The following CSPG5 variants were observed in gnomAD, a reference collection of about 807,000 sequenced individuals.
CSPG5 encodes the protein acidic leucine-rich EGF-like domain-containing brain protein.
A neutral mutation model predicts 39.8 loss-of-function variants in CSPG5; 25 were observed. That is an observed-to-expected ratio of 0.63 (90% CI 0.46 to 0.88). CSPG5 has a LOEUF of 0.88. Among genes scored for constraint, CSPG5 ranks in the 40% least tolerant of loss-of-function variants. The pLI is 0.00. For synonymous variants in CSPG5, 295 were observed against 303.9 expected, an observed-to-expected ratio of 0.97 and a Z score of 0.31; for missense variants, 627 against 702.2, an observed-to-expected ratio of 0.89 and a Z score of 1.21.
chr3:47,563,588 T>A (rs186595554), intron 4 of CSPG5, among the ~76,000 whole-genome samples: 2 of 152,338 alleles, frequency 1.3e-5, no homozygotes, highest in East Asian at 3.9e-4. Flanking sequence ...GGAGTCTTGC[T>A]CTGTCGCCCA....
Position 47,578,061 on chromosome 3 carries a change from C to A in CSPG5, c.98-133G>T. ...ACCTCGCCACCCTCAGACCCCACCG[C>A]CCCAGTGTGACCCCAGCCACCCGGT... On this transcript the variant is annotated intron_variant, in intron 1 of 4. Transcript: ENST00000264723. This position sits in a 1 kb window ranked among gnomAD's most constrained non-coding sequence, Gnocchi z 6.0. 5.5e-6 allele frequency: 7 copies of A among 1,270,124 alleles called. No individual in the cohort carries two copies. The highest frequency in any genetic ancestry group is 7.0e-6 in the Non-Finnish European group (7 of 1,002,592). The allele number at this position is 1,270,124 out of a possible 1,614,324, so 78.7% of individuals were successfully genotyped here.
intron 2 of CSPG5, among the ~76,000 whole-genome samples, chr3:47,574,721 T>C (rs1007067984): frequency 1.3e-5 from 2 of 151,744 alleles, no homozygotes; most frequent in Middle Eastern, 3.4e-3. Flanking sequence ...GGGCAGATCA[T>C]GAGGTCAGGA....
At position 47,572,224 on chromosome 3, in the gene CSPG5, G is replaced by A. The variant is rs1401328473; in HGVS notation, c.1382+462C>T. 3.3e-5 allele frequency among the ~76,000 whole-genome samples: 5 copies of A among 152,220 alleles called. No individual in the cohort carries two copies. In the East Asian group the frequency reaches 9.6e-4, roughly 29 times the overall value. ...CTTTCTCCTCAGTGTTCACCGAGGAGGAGCTGATTTTGGGTGACAGATGTG... is the reference window on the plus strand; with the variant it reads ...CTTTCTCCTCAGTGTTCACCGAGGAAGAGCTGATTTTGGGTGACAGATGTG... On this transcript the variant is annotated intron_variant, in intron 3 of 4. Coordinates refer to ENST00000264723, the MANE Select transcript of CSPG5 (RefSeq NM_006574.4). This position sits in a 1 kb window ranked among gnomAD's most constrained non-coding sequence, Gnocchi z 4.5.
chr3:47,566,654 A>G (rs1036738810), intron 4 of CSPG5, among the ~76,000 whole-genome samples: 1 of 152,178 alleles, frequency 6.6e-6, no homozygotes, highest in Admixed American at 6.5e-5. Context: ...ACCAGCCTCA[A>G]TCTCCTTGAA....
chr3:47,573,796 C>A (rs998570373), intron 2 of CSPG5, among the ~76,000 whole-genome samples: 2 of 152,224 alleles, frequency 1.3e-5, no homozygotes, highest in African/African-American at 4.8e-5. Context: ...GGAGACATGG[C>A]TAGCAAGAAA....
In CSPG5 at chr3:47,562,647, C is replaced by T; in HGVS notation, c.1573G>A (p.Asp525Asn). 1 of 1,613,886 alleles carries T rather than the reference C, an allele frequency of 6.2e-7. No individual in the cohort carries two copies. The change falls in exon 5 of 5, where the codon GAC (aspartate) becomes AAC (asparagine). Residue 525 changes from aspartate (D) to asparagine (N), a missense_variant. Coordinates refer to ENST00000264723, the MANE Select transcript of CSPG5 (RefSeq NM_006574.4). ...MSPKLEGGKG[D>N]QADLDVNCLQ... Reference sequence around the variant, plus strand: ...CAGTTCACATCCAAGTCAGCCTGGTCACCTTTGCCACCCTCAAGTTTGGGC... The same window carrying T: ...CAGTTCACATCCAAGTCAGCCTGGTTACCTTTGCCACCCTCAAGTTTGGGC...
chr3:47,578,295 G>T lies in CSPG5; in HGVS notation c.97+302C>A, dbSNP rs558899284. On this transcript the variant is annotated intron_variant, in intron 1 of 4. Coordinates refer to ENST00000264723, the MANE Select transcript of CSPG5 (RefSeq NM_006574.4). The surrounding 1 kb of genome is among the most constrained non-coding windows in gnomAD (Gnocchi z 6.0). Reference sequence around the variant, plus strand: ...CGCCCTCAGCTCCAGGTCCCGCCCCGAAGTCTCACCCTCAGGCCCCGCCCC... The same window carrying T: ...CGCCCTCAGCTCCAGGTCCCGCCCCTAAGTCTCACCCTCAGGCCCCGCCCC... Among the ~76,000 whole-genome samples, 2 of 147,802 alleles carry T rather than the reference G, an allele frequency of 1.4e-5. No individual in the cohort carries two copies. The highest frequency in any genetic ancestry group is 3.0e-5 in the Non-Finnish European group (2 of 66,620).
Position 47,578,561 on chromosome 3 carries a change from G to A in CSPG5, c.97+36C>T. 1.2e-6 allele frequency: 1 copy of A among 808,846 alleles called. No individual in the cohort carries two copies. Among genetic ancestry groups the A allele is most frequent in the Admixed American group, 5.0e-5 (1 of 20,140 alleles). The allele number at this position is 808,846 out of a possible 1,614,324, so 50.1% of individuals were successfully genotyped here. The stretch of plus-strand genomic sequence containing the variant: ...GGGACCCCTGCCCTGGGTGGGGCAC[G>A]AGGGCCGCGGGGGTCCCGGGCGCAG... On this transcript the variant is annotated intron_variant, in intron 1 of 4. Coordinates refer to ENST00000264723, the MANE Select transcript of CSPG5 (RefSeq NM_006574.4). The surrounding 1 kb of genome is among the most constrained non-coding windows in gnomAD (Gnocchi z 6.0).
Position 47,578,479 on chromosome 3 carries a change from A to C in CSPG5, c.97+118T>G. The C allele has an allele frequency of 2.4e-4, 51 of 213,786 alleles. No individual in the cohort carries two copies. The highest frequency in any genetic ancestry group is 5.8e-4 in the East Asian group (5 of 8,634). The allele number at this position is 213,786 out of a possible 1,614,324, so 13.2% of individuals were successfully genotyped here. A position where few individuals can be genotyped will look rare whatever the true frequency, so the allele number is the denominator to read the frequency against. ...ACCATTCCGCCGCCCGGCCGCGGCCAGGCGGTGCCCCGCCCCCTTGCCACA... is the reference window on the plus strand; with the variant it reads ...ACCATTCCGCCGCCCGGCCGCGGCCCGGCGGTGCCCCGCCCCCTTGCCACA... On this transcript the variant is annotated intron_variant, in intron 1 of 4. Coordinates refer to ENST00000264723, the MANE Select transcript of CSPG5 (RefSeq NM_006574.4). The surrounding 1 kb of genome is among the most constrained non-coding windows in gnomAD (Gnocchi z 6.0).
At chr3:47,567,925 T>C (rs531674051) in intron 4 of CSPG5, among the ~76,000 whole-genome samples, 2 of 152,316 alleles carry the variant, frequency 1.3e-5, no homozygotes, top group South Asian at 4.1e-4. Flanking sequence ...GGCAGGGGTA[T>C]CACTTGAGCC....
chr3:47,579,223 C>A (rs2031907352), upstream of CSPG5: 1 of 152,420 alleles, frequency 6.6e-6, no homozygotes, highest in Admixed American at 6.5e-5. This position sits in a 1 kb window ranked among gnomAD's most constrained non-coding sequence, Gnocchi z 4.2. Flanking sequence ...GTCGCGGGCC[C>A]AGTTACCCGC....
At position 47,577,093 on chromosome 3, in the gene CSPG5, G is replaced by A. The variant is rs1223825803; in HGVS notation, c.933C>T (p.Pro311=). 1.1e-5 allele frequency: 17 copies of A among 1,613,638 alleles called. No homozygotes were observed. Among genetic ancestry groups the A allele is most frequent in the African/African-American group, 1.3e-5 (1 of 74,918 alleles). Reference sequence around the variant, plus strand: ...ACCGACTGGTGGGCTGGCCTGTCCCGGGCCCCAGACCAGGCTTCCCAGTGG... The same window carrying A: ...ACCGACTGGTGGGCTGGCCTGTCCCAGGCCCCAGACCAGGCTTCCCAGTGG... ...LVPTGKPGLG[P]GTGQPTSRWH... The change falls in exon 2 of 5, where the codon CCC becomes CCT. Residue 311 remains proline, a synonymous_variant. Coordinates refer to ENST00000264723, the MANE Select transcript of CSPG5 (RefSeq NM_006574.4). This position sits in a 1 kb window ranked among gnomAD's most constrained non-coding sequence, Gnocchi z 4.7.
rs746167201 is a variant in CSPG5 at position 47,577,379 on chromosome 3, A to G, written c.647T>C (p.Leu216Pro). 1 of 1,614,194 alleles carries G rather than the reference A, an allele frequency of 6.2e-7. No homozygotes were observed. Among genetic ancestry groups the G allele is most frequent in the Admixed American group, 1.7e-5 (1 of 60,030 alleles). ...ATCTGCGCCACGACCCTCACCATCC[A>G]GTCCTTCGAAGTAGTCGATGTCAAT... The part of the protein sequence containing the change: ...DIIDIDYFEG[L>P]DGEGRGADLG... The change falls in exon 2 of 5, where the codon CTG becomes CCG. Residue 216 changes from leucine to proline, a missense_variant. Leu to Pro is a moderately conservative substitution (Grantham distance 98). Transcript: ENST00000264723. The surrounding 1 kb of genome is among the most constrained non-coding windows in gnomAD (Gnocchi z 4.7).
rs1287311656 is a variant in CSPG5 at position 47,578,374 on chromosome 3, C to A, written c.97+223G>T. Among the ~76,000 whole-genome samples, 1 of 149,822 alleles carries A rather than the reference C, an allele frequency of 6.7e-6. No individual in the cohort carries two copies. The highest frequency in any genetic ancestry group is 1.5e-5 in the Non-Finnish European group (1 of 67,136). ...CGCCCCCAGTCCGCACCGCGGCCCGCGCGCTTGGGTCCCGGCTACCCCAAC... is the reference window on the plus strand; with the variant it reads ...CGCCCCCAGTCCGCACCGCGGCCCGAGCGCTTGGGTCCCGGCTACCCCAAC... On this transcript the variant is annotated intron_variant, in intron 1 of 4. Coordinates refer to ENST00000264723, the MANE Select transcript of CSPG5 (RefSeq NM_006574.4). The surrounding 1 kb of genome is among the most constrained non-coding windows in gnomAD (Gnocchi z 6.0).
intron 4 of CSPG5, among the ~76,000 whole-genome samples, chr3:47,565,409 C>G (rs1165905724): frequency 6.6e-6 from 1 of 152,186 alleles, no homozygotes; most frequent in Non-Finnish European, 1.5e-5. Context: ...CCAAGGGTAG[C>G]TGAATTCCAC....
In CSPG5 at chr3:47,577,561, G is replaced by T; in HGVS notation, c.465C>A (p.Pro155=). 2 of 1,610,438 alleles carry T rather than the reference G, an allele frequency of 1.2e-6. No individual in the cohort carries two copies. Among genetic ancestry groups the T allele is most frequent in the East Asian group, 2.2e-5 (1 of 44,868 alleles). ...CTGGGCTCAGCTTGTCGCCGGGGGT[G>T]GGGGAGGGTGGCCCGCTGGCCTCTG... ...EATEASGPPS[P]TPGDKLSPAS... The change falls in exon 2 of 5, where the codon CCC becomes CCA. Residue 155 remains proline (P), a synonymous_variant. Coordinates refer to ENST00000264723, the MANE Select transcript of CSPG5 (RefSeq NM_006574.4). The surrounding 1 kb of genome is among the most constrained non-coding windows in gnomAD (Gnocchi z 4.7).
chr3:47,576,598 A>G (rs1180436056), intron 2 of CSPG5, among the ~76,000 whole-genome samples: 1 of 151,904 alleles, frequency 6.6e-6, no homozygotes, highest in African/African-American at 2.4e-5. Context: ...AGCTGGGACT[A>G]CAGGTGCCTG....
chr3:47,579,237 G>A (rs1042223991), upstream of CSPG5: 1 of 152,340 alleles, frequency 6.6e-6, no homozygotes, highest in African/African-American at 2.4e-5. This position sits in a 1 kb window ranked among gnomAD's most constrained non-coding sequence, Gnocchi z 4.2. Context: ...TACCCGCAGG[G>A]TCGGGGCGGG....
chr3:47,576,017 A>T (rs1467219368), intron 2 of CSPG5, among the ~76,000 whole-genome samples: 1 of 140,366 alleles, frequency 7.1e-6, no homozygotes, highest in Non-Finnish European at 1.5e-5. Context: ...GGCTCACTGC[A>T]ACGTCCACCT....
Sources: allele counts gnomAD v4.1 joint callset (sites outside exome capture counted in the v4.1 genomes callset), GRCh38; gene constraint gnomAD v4.1.1; non-coding constraint Gnocchi (gnomAD v3.1); transcripts MANE v1.5; gene names NCBI Gene and HGNC (gene_info 2026-07-23, HGNC 2026-07-21).